TASP1: variants seen among roughly 807,000 people sequenced by gnomAD.
The protein encoded by TASP1 is taspase 1, also known as threonine aspartase 1.
In TASP1, 16 loss-of-function variants were observed where a neutral mutation model predicts 56.6. The ratio of observed to expected loss-of-function variants is 0.28; its 90% CI spans 0.19 to 0.43. TASP1 has a LOEUF of 0.43. Among genes scored for constraint, TASP1 ranks in the 20% least tolerant of loss-of-function variants. TASP1 has a pLI of 1.00. For synonymous variants in TASP1, 179 were observed against 184.2 expected (o/e 0.97, Z 0.23); for missense variants, 393 against 511.6 (o/e 0.77, Z 2.24).
At position 13,417,474 on chromosome 20, in the gene TASP1, T is replaced by C. The variant is rs769677913; in HGVS notation, c.1144A>G (p.Met382Val). 1 of 1,614,166 alleles carries C rather than the reference T, an allele frequency of 6.2e-7. No individual in the cohort carries two copies. The change falls in exon 13 of 14, where the codon ATG (methionine) becomes GTG (valine). Residue 382 changes from methionine (M) to valine (V), a missense_variant. Around this residue, in one of 3 missense-constraint regions of TASP1, gnomAD observed 293 missense variants for 354.2 expected, o/e 0.83. Transcript: ENST00000337743. ...TTGGCTTTCCCATCCTGGGCTGACA[T>C]ATATCCGACACACATGCTCTCCGTC... ...HTTESMCVGY[M>V]SAQDGKAKTH...
intron 13 of TASP1, among the ~76,000 whole-genome samples, chr20:13,406,668 C>CTTTTT (rs149352395): frequency 8.5e-6 from 1 of 117,692 alleles, no homozygotes; most frequent in African/African-American, 3.1e-5. Flanking sequence ...AGGGTTTTTT[C>CTTTTT]TTTTTTTTTT....
chr20:13,382,903 G>C, the TASP1 span, among the ~76,000 whole-genome samples: 1 of 152,172 alleles, frequency 6.6e-6, no homozygotes, highest in Non-Finnish European at 1.5e-5. Flanking sequence ...TGCTGGAGGG[G>C]GTGTGGTTAG....
At chr20:13,390,960 G>GAA (rs2123558405) in intron 13 of TASP1, among the ~76,000 whole-genome samples, 1 of 152,270 alleles carries the variant, frequency 6.6e-6, no homozygotes, top group African/African-American at 2.4e-5. Flanking sequence ...GAAATGAGAA[G>GAA]AAAAATAAGA....
the TASP1 span, among the ~76,000 whole-genome samples, chr20:13,319,673 G>T: frequency 6.6e-6 from 1 of 152,204 alleles, no homozygotes; most frequent in African/African-American, 2.4e-5. Flanking sequence ...AATGCCTAAA[G>T]AAACATGGGT....
intron 4 of TASP1, among the ~76,000 whole-genome samples, chr20:13,593,377 G>A (rs889206218): frequency 3.3e-5 from 5 of 152,114 alleles, no homozygotes; most frequent in African/African-American, 1.2e-4. Flanking sequence ...TGGAGGCCAC[G>A]GAGGGTGAGC....
intron 13 of TASP1, among the ~76,000 whole-genome samples, chr20:13,410,285 T>C (rs1327082915): frequency 6.6e-6 from 1 of 152,218 alleles, no homozygotes; most frequent in Non-Finnish European, 1.5e-5. Context: ...GCAATGAACA[T>C]GCAAGTACAG....
At chr20:13,311,135 A>T in the TASP1 span, among the ~76,000 whole-genome samples, 2 of 152,174 alleles carry the variant, frequency 1.3e-5, no homozygotes, top group African/African-American at 4.8e-5. Flanking sequence ...CGGAGGTTGC[A>T]GTGAGCTGAG....
the TASP1 span, among the ~76,000 whole-genome samples, chr20:13,268,952 C>T: frequency 1.3e-5 from 2 of 152,004 alleles, no homozygotes; most frequent in Non-Finnish European, 2.9e-5. Flanking sequence ...AATAATAATC[C>T]CTTCCCTAAG....
At chr20:13,400,913 AC>A (rs1199217028) in intron 13 of TASP1, among the ~76,000 whole-genome samples, 1 of 152,256 alleles carries the variant, frequency 6.6e-6, no homozygotes, top group Non-Finnish European at 1.5e-5. Context: ...TTTTAAAAAA[AC>A]ATAAACTATA....
the TASP1 span, chr20:13,292,332 T>A: frequency 1.5e-6 from 2 of 1,313,896 alleles, no homozygotes; most frequent in African/African-American, 2.9e-5. Flanking sequence ...AGATAACTTT[T>A]TCCATGTAAT....
At chr20:13,606,021 C>T (rs147082853) in intron 4 of TASP1, among the ~76,000 whole-genome samples, 1 of 152,302 alleles carries the variant, frequency 6.6e-6, no homozygotes, top group East Asian at 1.9e-4. Context: ...AAGAAAGCCC[C>T]TACCTCAGGG....
chr20:13,611,960 A>G (rs901230790), intron 4 of TASP1, among the ~76,000 whole-genome samples: 2 of 152,220 alleles, frequency 1.3e-5, no homozygotes, highest in African/African-American at 4.8e-5. Context: ...TCTGGCCTAC[A>G]TCACTTTGTA....
At chr20:13,619,434 A>G (rs994598633) in intron 4 of TASP1, among the ~76,000 whole-genome samples, 2 of 152,182 alleles carry the variant, frequency 1.3e-5, no homozygotes, top group African/African-American at 4.8e-5. Context: ...AAAAACACCA[A>G]TGTGCAAAAT....
chr20:13,378,230 T>C, the TASP1 span, among the ~76,000 whole-genome samples: 1 of 152,256 alleles, frequency 6.6e-6, no homozygotes, highest in East Asian at 1.9e-4. Flanking sequence ...AATTTCCCTC[T>C]TAACACTGCT....
At chr20:13,233,097 AAT>A in the TASP1 span, among the ~76,000 whole-genome samples, 1 of 152,078 alleles carries the variant, frequency 6.6e-6, no homozygotes, top group Non-Finnish European at 1.5e-5. Context: ...CCTGCTGTCC[AAT>A]ATTCCTTGAT....
intron 4 of TASP1, among the ~76,000 whole-genome samples, chr20:13,600,141 A>G (rs1363885869): frequency 6.6e-6 from 1 of 152,196 alleles, no homozygotes; most frequent in Non-Finnish European, 1.5e-5. Flanking sequence ...AAATCCAATA[A>G]ATGGAAAGAA....
At chr20:13,557,706 G>C (rs948398653) in intron 8 of TASP1, among the ~76,000 whole-genome samples, 2 of 146,898 alleles carry the variant, frequency 1.4e-5, no homozygotes, top group Non-Finnish European at 3.0e-5. Context: ...TCAGCCTCCC[G>C]AGTAGCTGAG....
At chr20:13,170,426 G>A in the TASP1 span, among the ~76,000 whole-genome samples, 1 of 152,160 alleles carries the variant, frequency 6.6e-6, no homozygotes, top group Admixed American at 6.5e-5. Flanking sequence ...GCCAATCTGG[G>A]TTTAATGTAG....
In TASP1 at chr20:13,402,139, G is replaced by A. The variant is rs373896844; in HGVS notation, c.1171-11687C>T. Among the ~76,000 whole-genome samples the A allele has an allele frequency of 2.6e-5, 4 of 152,066 alleles. No individual in the cohort carries two copies. The East Asian group carries it at 7.7e-4, about 29-fold the overall frequency. On this transcript the variant is annotated intron_variant, in intron 13 of 13. Transcript: ENST00000337743. ...AGAATAATTTGAATACATATTATTC[G>A]CACCTCTGGGAAGACTTATACTCTT...
Sources: gnomAD v4.1 joint callset for allele counts (sites outside exome capture counted in the v4.1 genomes callset) on GRCh38, gnomAD v4.1.1 for gene constraint, gnomAD v4.1.1 regional missense constraint, MANE v1.5 for transcripts, NCBI Gene and HGNC (gene_info 2026-07-23, HGNC 2026-07-21) for gene names.